The following FAM168A variants were observed in gnomAD, a reference collection of about 807,000 sequenced individuals.
FAM168A encodes family with sequence similarity 168 member A.
FAM168A carries 3 observed loss-of-function variants against 28.5 expected under a neutral mutation model. The observed-to-expected ratio is 0.11, with a 90% CI of 0.05 to 0.27. FAM168A has a LOEUF of 0.27. Among genes scored for constraint, FAM168A ranks in the 10% least tolerant of loss-of-function variants. The probability of loss-of-function intolerance (pLI) is 1.00; values close to 1 mark genes in which losing one functional copy is unlikely to be tolerated. For missense variants in FAM168A, 222 were observed against 311.5 expected (o/e 0.71, Z 2.16); for synonymous variants, 122 against 124.2 (o/e 0.98, Z 0.12).
intron 1 of FAM168A, among the ~76,000 whole-genome samples, chr11:73,488,224 G>A (rs189070643): frequency 1.7e-4 from 26 of 151,666 alleles, no homozygotes; most frequent in Admixed American, 3.3e-4. Context: ...TCTGCCTCCT[G>A]GGTTCAAGCA....
chr11:73,574,355 C>T (rs976209445), intron 1 of FAM168A, among the ~76,000 whole-genome samples: 2 of 152,104 alleles, frequency 1.3e-5, no homozygotes, highest in Non-Finnish European at 2.9e-5. Flanking sequence ...CAATGCTGGA[C>T]CTCCCACCAA....
chr11:73,461,642 G>A (rs1232934565), intron 2 of FAM168A, among the ~76,000 whole-genome samples: 1 of 152,222 alleles, frequency 6.6e-6, no homozygotes, highest in Non-Finnish European at 1.5e-5. Flanking sequence ...AAGCTAAGAA[G>A]TTTGGACTTT....
At chr11:73,484,321 A>G (rs1868009203) in intron 1 of FAM168A, among the ~76,000 whole-genome samples, 1 of 152,098 alleles carries the variant, frequency 6.6e-6, no homozygotes, top group Non-Finnish European at 1.5e-5. Flanking sequence ...GAGCTTTCAT[A>G]GTCCTTACAA....
chr11:73,443,593 A>G, intron 2 of FAM168A, among the ~76,000 whole-genome samples: 1 of 152,196 alleles, frequency 6.6e-6, no homozygotes, highest in East Asian at 1.9e-4. Flanking sequence ...TGCTCAGGTC[A>G]TGTCCCCTTC....
intron 1 of FAM168A, among the ~76,000 whole-genome samples, chr11:73,521,027 A>C (rs1012285568): frequency 6.6e-6 from 1 of 152,220 alleles, no homozygotes; most frequent in Non-Finnish European, 1.5e-5. Context: ...ACATTTGTTG[A>C]AACCAGTAGG....
At chr11:73,510,037 C>G (rs1855189171) in intron 1 of FAM168A, among the ~76,000 whole-genome samples, 1 of 152,296 alleles carries the variant, frequency 6.6e-6, no homozygotes, top group South Asian at 2.1e-4. Flanking sequence ...CCAAGTGCAG[C>G]TAACACTCAC....
chr11:73,412,857 C>T lies in FAM168A; in HGVS notation c.278-1321G>A, dbSNP rs138374729. ...TGCTCACCAAGGACCCTTTCAGCTC[C>T]GAGGTGCTGTTTCTATCATATAATA... On this transcript the variant is annotated intron_variant, in intron 4 of 7. Transcript: ENST00000356467. Among the ~76,000 whole-genome samples, 1,063 of 152,212 alleles carry T rather than the reference C, an allele frequency of 7.0e-3. 11 individuals are homozygous for T. Among genetic ancestry groups the T allele is most frequent in the African/African-American group, 0.022 (927 of 41,506 alleles).
intron 2 of FAM168A, among the ~76,000 whole-genome samples, chr11:73,460,601 T>TCAAGCGATTCTCCTGCCTC (rs1278812855): frequency 6.6e-6 from 1 of 151,358 alleles, no homozygotes; most frequent in East Asian, 1.9e-4. Context: ...CTTCCTGAGT[T>TCAAGCGATTCTCCTGCCTC]CAAGCGATTC....
intron 1 of FAM168A, among the ~76,000 whole-genome samples, chr11:73,582,918 G>A (rs1326685586): frequency 6.6e-6 from 1 of 152,190 alleles, no homozygotes; most frequent in African/African-American, 2.4e-5. Context: ...AAAGAGTAAA[G>A]GAAAGCTACA....
At chr11:73,518,544 C>T (rs1056334870) in intron 1 of FAM168A, among the ~76,000 whole-genome samples, 16 of 150,340 alleles carry the variant, frequency 1.1e-4, no homozygotes, top group African/African-American at 2.0e-4. Context: ...GGGGAGGGGG[C>T]GTGGAATTGT....
At chr11:73,474,776 A>G (rs150287073) in intron 1 of FAM168A, among the ~76,000 whole-genome samples, 65 of 152,346 alleles carry the variant, frequency 4.3e-4, no homozygotes, top group African/African-American at 1.4e-3. Context: ...CACCAAATAC[A>G]TATTAGTTGA....
chr11:73,416,123 T>C (rs11235746), intron 4 of FAM168A, among the ~76,000 whole-genome samples: 1 of 151,966 alleles, frequency 6.6e-6, no homozygotes, highest in Non-Finnish European at 1.5e-5. Flanking sequence ...AAAGAAAAAA[T>C]GAATTAGATC....
chr11:73,484,066 T>C (rs1273949460), intron 1 of FAM168A, among the ~76,000 whole-genome samples: 1 of 152,216 alleles, frequency 6.6e-6, no homozygotes, highest in Non-Finnish European at 1.5e-5. Context: ...CAATGTACTT[T>C]CTTGCTGCTT....
intron 1 of FAM168A, among the ~76,000 whole-genome samples, chr11:73,472,354 A>G (rs1187101771): frequency 6.6e-6 from 1 of 152,224 alleles, no homozygotes; most frequent in African/African-American, 2.4e-5. Context: ...AAATGCCCCC[A>G]AAGTAGAAGC....
At chr11:73,447,967 T>C (rs1867353080) in intron 2 of FAM168A, among the ~76,000 whole-genome samples, 1 of 152,232 alleles carries the variant, frequency 6.6e-6, no homozygotes, top group Non-Finnish European at 1.5e-5. Context: ...TAAAACGGGA[T>C]AATAATCACT....
intron 1 of FAM168A, among the ~76,000 whole-genome samples, chr11:73,565,419 A>C (rs916752956): frequency 1.3e-5 from 2 of 152,210 alleles, no homozygotes; most frequent in African/African-American, 4.8e-5. Flanking sequence ...ATGCTCATTG[A>C]GACAGGAGGT....
chr11:73,442,185 G>A (rs373060070), intron 2 of FAM168A, among the ~76,000 whole-genome samples: 228 of 150,474 alleles, frequency 1.5e-3, no homozygotes, highest in Middle Eastern at 0.01. Flanking sequence ...GAGTGCAATG[G>A]CACAATCTCG....
chr11:73,517,640 T>C (rs7119167), intron 1 of FAM168A, among the ~76,000 whole-genome samples: 48,087 of 151,942 alleles, frequency 0.32, 10,066 homozygotes, highest in African/African-American at 0.6. Context: ...TTCTGTCTCT[T>C]AAGAGGATCA....
chr11:73,527,979 G>C (rs1943467939), intron 1 of FAM168A, among the ~76,000 whole-genome samples: 1 of 152,104 alleles, frequency 6.6e-6, no homozygotes, highest in African/African-American at 2.4e-5. Context: ...AAGAAACTAA[G>C]GAAAGATGAC....
Sources: gnomAD v4.1 joint callset for allele counts (sites outside exome capture counted in the v4.1 genomes callset) on GRCh38, gnomAD v4.1.1 for gene constraint, MANE v1.5 for transcripts, NCBI Gene and HGNC (gene_info 2026-07-23, HGNC 2026-07-21) for gene names.